GRIK4: variants seen among roughly 807,000 people sequenced by gnomAD.
The protein encoded by GRIK4 is glutamate receptor ionotropic, kainate 4.
In GRIK4, 40 loss-of-function variants were observed where a neutral mutation model predicts 104.9. The observed-to-expected ratio is 0.38, with a 90% CI of 0.30 to 0.50. The LOEUF is 0.50. GRIK4 is among the 20% of genes least tolerant of loss of function. GRIK4 has a pLI of 0.93. For missense variants in GRIK4, 1,047 were observed against 1,308.1 expected (o/e 0.80, Z 3.08); for synonymous variants, 485 against 524.9 (o/e 0.92, Z 1.04).
intron 1 of GRIK4, among the ~76,000 whole-genome samples, chr11:120,528,981 G>T (rs547530220): frequency 6.6e-6 from 1 of 152,194 alleles, no homozygotes; most frequent in South Asian, 2.1e-4. Context: ...GGTAGCTTTG[G>T]CTCCCTGCCT....
chr11:120,963,026 T>A, intron 18 of GRIK4: 1 of 179,290 alleles, frequency 5.6e-6, no homozygotes, highest in Non-Finnish European at 1.2e-5. Context: ...TTGCTTCTCC[T>A]TGGCCATTTC....
intron 1 of GRIK4, among the ~76,000 whole-genome samples, chr11:120,650,102 C>T (rs1565272686): frequency 6.6e-6 from 1 of 152,186 alleles, no homozygotes; most frequent in Non-Finnish European, 1.5e-5. Context: ...TCATCTTCCA[C>T]CTCCCGTGGC....
chr11:120,639,129 G>A (rs1949437496), intron 1 of GRIK4, among the ~76,000 whole-genome samples: 1 of 152,080 alleles, frequency 6.6e-6, no homozygotes, highest in Non-Finnish European at 1.5e-5. Context: ...ATGAAGCGGA[G>A]GTTGCAGTGA....
At chr11:120,957,627 A>T (rs1944191723) in intron 16 of GRIK4, among the ~76,000 whole-genome samples, 1 of 21,336 alleles carries the variant, frequency 4.7e-5, no homozygotes, top group African/African-American at 5.1e-4. Context: ...GTGTGTGTGT[A>T]GCCTAGAGAG....
In GRIK4 at chr11:120,898,704, C is replaced by A. The variant is rs1592056823; in HGVS notation, c.1272+65C>A. ...GGGTGCCTCCCCGGCTCTGAGCACT[C>A]ACAGGCTGCCCCTTGAACAGAAGAT... On this transcript the variant is annotated intron_variant, in intron 12 of 20. Transcript: ENST00000527524. The A allele has an allele frequency of 7.0e-6, 6 of 852,440 alleles. No individual in the cohort carries two copies. In the East Asian group the frequency reaches 1.3e-4, roughly 18 times the overall value. The allele number at this position is 852,440 out of a possible 1,614,324, so 52.8% of individuals were successfully genotyped here. A position where few individuals can be genotyped will look rare whatever the true frequency, so the allele number is the denominator to read the frequency against.
chr11:120,792,166 A>G (rs1952407601), intron 3 of GRIK4, among the ~76,000 whole-genome samples: 1 of 152,106 alleles, frequency 6.6e-6, no homozygotes. Flanking sequence ...GAGCCGAGAT[A>G]GTCAGTGAGC....
rs142949188 is a variant in GRIK4, at chr11:120,945,781, G to GCT, written c.1590+5335_1590+5336dup. Among the ~76,000 whole-genome samples, 594 of 150,902 alleles carry GCT rather than the reference G, an allele frequency of 3.9e-3. 1 individual carries two copies. The highest frequency in any genetic ancestry group is 0.013 in the African/African-American group (550 of 41,340). The stretch of plus-strand genomic sequence containing the variant: ...GCTGTAGCTGCCTCCTGAACTCACT[G>GCT]CTCTCTCTCTCTCTCAATGCCTGCA... On this transcript the variant is annotated intron_variant, in intron 14 of 20. Transcript: ENST00000527524.
At chr11:120,755,770 T>G (rs1951641244) in intron 3 of GRIK4, among the ~76,000 whole-genome samples, 1 of 152,044 alleles carries the variant, frequency 6.6e-6, no homozygotes. Flanking sequence ...TAACAGACAA[T>G]GTGATTGGCC....
intron 1 of GRIK4, among the ~76,000 whole-genome samples, chr11:120,579,235 CT>C (rs397800732): frequency 1.3e-5 from 2 of 148,172 alleles, no homozygotes; most frequent in African/African-American, 2.5e-5. Flanking sequence ...ACCCCCCCCC[CT>C]TTTTTTGGAT....
chr11:120,961,366 T>G (rs1424200935), intron 17 of GRIK4, among the ~76,000 whole-genome samples: 1 of 152,194 alleles, frequency 6.6e-6, no homozygotes, highest in Non-Finnish European at 1.5e-5. Flanking sequence ...ATGTTTATAT[T>G]AATGGCCATT....
intron 1 of GRIK4, among the ~76,000 whole-genome samples, chr11:120,551,778 A>AAAAT (rs35993230): frequency 0.095 from 14,341 of 150,304 alleles, 877 homozygotes; most frequent in African/African-American, 0.17. Flanking sequence ...GAGACTCTGT[A>AAAAT]AAATAAATAA....
chr11:120,720,261 T>G (rs1166847073), intron 3 of GRIK4, among the ~76,000 whole-genome samples: 1 of 152,228 alleles, frequency 6.6e-6, no homozygotes, highest in African/African-American at 2.4e-5. Context: ...TATTAAGGTC[T>G]GCTGAGGTGG....
chr11:120,789,672 C>T (rs1039192445), intron 3 of GRIK4, among the ~76,000 whole-genome samples: 2 of 152,102 alleles, frequency 1.3e-5, no homozygotes, highest in Admixed American at 6.5e-5. Flanking sequence ...CCCAGTTCAC[C>T]AGTGAGACAC....
In GRIK4 at chr11:120,986,289, CGGGCGGGGCGGGAG is replaced by C. The variant is rs371012924; in HGVS notation, c.*33_*46del. Reference sequence around the variant, plus strand: ...CGGAGGCCACAGGACGCGCAGAGGCCGGGCGGGGCGGGAGGGGAGGGGCGGGGCGGGCGCTGCTG... The same window carrying C: ...CGGAGGCCACAGGACGCGCAGAGGCCGGGAGGGGCGGGGCGGGCGCTGCTG... On this transcript the variant is annotated 3_prime_UTR_variant, in exon 21 of 21. Transcript: ENST00000527524. The C allele has an allele frequency of 0.34, 251,965 of 749,180 alleles. 22,725 individuals carry two copies. The highest frequency in any genetic ancestry group is 0.41 in the Middle Eastern group (1,021 of 2,478). 46.4% of individuals were successfully genotyped at this position (749,180 alleles called of 1,614,324 possible). A position where few individuals can be genotyped will look rare whatever the true frequency, so the allele number is the denominator to read the frequency against.
rs559813279 is a variant in GRIK4, at chr11:120,902,882, C to T, written c.1273-2408C>T. 7.2e-5 allele frequency among the ~76,000 whole-genome samples: 11 copies of T among 152,172 alleles called. No individual in the cohort carries two copies. In the South Asian group the frequency reaches 1.9e-3, roughly 26 times the overall value. ...CGGCGTGTGTGGAAGGCAGGCTGAC[C>T]GTTCCTATCTCATTGACGTGACAGT... is the stretch of plus-strand genomic sequence containing the variant. On this transcript the variant is annotated intron_variant, in intron 12 of 20. Transcript: ENST00000527524. The surrounding 1 kb of genome is among the most constrained non-coding windows in gnomAD (Gnocchi z 4.5).
At chr11:120,984,002 G>C (rs552974408) in intron 20 of GRIK4, among the ~76,000 whole-genome samples, 1 of 152,224 alleles carries the variant, frequency 6.6e-6, no homozygotes, top group East Asian at 1.9e-4. Flanking sequence ...TTAACAATTG[G>C]GGGGTGTGAT....
At chr11:120,898,846 G>A (rs533377152) in intron 12 of GRIK4, among the ~76,000 whole-genome samples, 1 of 152,220 alleles carries the variant, frequency 6.6e-6, no homozygotes, top group South Asian at 2.1e-4. Flanking sequence ...GAGGGTTGGG[G>A]TGGAGAGACA....
chr11:120,664,083 G>C (rs903187229), intron 3 of GRIK4, among the ~76,000 whole-genome samples: 1 of 152,242 alleles, frequency 6.6e-6, no homozygotes, highest in African/African-American at 2.4e-5. Context: ...GCAGTTTAAT[G>C]AATGTGATGG....
At chr11:120,851,457 C>T (rs1953972369) in intron 8 of GRIK4, among the ~76,000 whole-genome samples, 1 of 152,186 alleles carries the variant, frequency 6.6e-6, no homozygotes, top group African/African-American at 2.4e-5. Context: ...TAGAAAAGAC[C>T]ACCTTATACG....
Sources: gnomAD v4.1 joint callset for allele counts (sites outside exome capture counted in the v4.1 genomes callset) on GRCh38, gnomAD v4.1.1 for gene constraint, Gnocchi (gnomAD v3.1) non-coding constraint, MANE v1.5 for transcripts, NCBI Gene and HGNC (gene_info 2026-07-23, HGNC 2026-07-21) for gene names.